ZNF750: variants seen among roughly 807,000 people sequenced by gnomAD.
ZNF750 encodes protein ZNF750.
Under a neutral mutation model 31.6 loss-of-function variants are expected in ZNF750, and 10 were observed. That is an observed-to-expected ratio of 0.32 (90% CI 0.19 to 0.54). The LOEUF is 0.54. Ranked by LOEUF, ZNF750 falls within the 20% of genes least tolerant of loss-of-function variation. The probability of loss-of-function intolerance (pLI) is 0.95; values close to 1 mark genes in which losing one functional copy is unlikely to be tolerated. For synonymous variants in ZNF750, 400 were observed against 404.9 expected, an observed-to-expected ratio of 0.99 and a Z score of 0.15; for missense variants, 914 against 934.9, an observed-to-expected ratio of 0.98 and a Z score of 0.29.
chr17:82,830,687 A>C lies in ZNF750; in HGVS notation c.1627T>G (p.Phe543Val). 1 of 1,613,996 alleles carries C rather than the reference A, an allele frequency of 6.2e-7. No homozygotes were observed. The highest frequency in any genetic ancestry group is 2.2e-5 in the East Asian group (1 of 44,870). Residue 543 changes from phenylalanine (F) to valine (V), a missense_variant, in exon 3 of 3, where the codon TTC becomes GTC. By Grantham distance (50) the Phe-to-Val change is conservative (BLOSUM62 -1). Coordinates refer to ENST00000269394, the MANE Select transcript of ZNF750 (RefSeq NM_024702.3). ...QGSPQAETAS[F>V]SELQDLPLNL... is the part of the protein sequence containing the mutation. Reference sequence around the variant, plus strand: ...AGTGGAAGGTCCTGCAGCTCTGAGAAGCTGGCGGTTTCCGCCTGGGGGCTG... The same window carrying C: ...AGTGGAAGGTCCTGCAGCTCTGAGACGCTGGCGGTTTCCGCCTGGGGGCTG...
rs1007261749 is a variant in ZNF750, at chr17:82,833,191, T to C, written c.-182-555A>G. ...CACAGTCACAGAGTGCCCCTCACTT[T>C]TACACAGAGCGTGGGCTGGCCACCG... On this transcript the variant is annotated intron_variant, in intron 1 of 2. Coordinates refer to ENST00000269394, the MANE Select transcript of ZNF750 (RefSeq NM_024702.3). This position sits in a 1 kb window ranked among gnomAD's most constrained non-coding sequence, Gnocchi z 4.7. Among the ~76,000 whole-genome samples, 1 of 152,036 alleles carries C rather than the reference T, an allele frequency of 6.6e-6. No homozygotes were observed. Among genetic ancestry groups the C allele is most frequent in the African/African-American group, 2.4e-5 (1 of 41,404 alleles).
chr17:82,836,002 G>A (rs898228311), intron 1 of ZNF750, among the ~76,000 whole-genome samples: 9 of 152,180 alleles, frequency 5.9e-5, no homozygotes, highest in African/African-American at 1.2e-4. Flanking sequence ...GTCTCCCACC[G>A]TGGGCTGCCA....
intron 1 of ZNF750, among the ~76,000 whole-genome samples, chr17:82,836,085 C>G (rs2053947161): frequency 6.6e-6 from 1 of 151,652 alleles, no homozygotes. Context: ...TTCTAATTTC[C>G]CCCTATTAGA....
In ZNF750 at chr17:82,837,694, G is replaced by A. The variant is rs144037476; in HGVS notation, c.-183+2233C>T. 1.4e-3 allele frequency among the ~76,000 whole-genome samples: 212 copies of A among 152,316 alleles called. 1 individual carries two copies. The highest frequency in any genetic ancestry group is 5.0e-3 in the African/African-American group (206 of 41,572). On this transcript the variant is annotated intron_variant, in intron 1 of 2. Coordinates refer to ENST00000269394, the MANE Select transcript of ZNF750 (RefSeq NM_024702.3). ...ATTTCCCACTGGATCGGCAGGAAGCGTTAGCAGGGTGGACATGCCACAGAG... is the reference window on the plus strand; with the variant it reads ...ATTTCCCACTGGATCGGCAGGAAGCATTAGCAGGGTGGACATGCCACAGAG...
rs937552115 is a variant in ZNF750, at chr17:82,836,730, CAAAA to C, written c.-183+3193_-183+3196del. Among the ~76,000 whole-genome samples the C allele has an allele frequency of 2.9e-3, 435 of 150,368 alleles. 2 individuals carry two copies. The highest frequency in any genetic ancestry group is 7.2e-3 in the African/African-American group (296 of 40,952). On this transcript the variant is annotated intron_variant, in intron 1 of 2. Transcript: ENST00000269394. ...AAAACAAAACCAAAAAACAAAAAAACAAAAAAACCCACAAAACCCGTGTTGGTTA... is the reference window on the plus strand; with the variant it reads ...AAAACAAAACCAAAAAACAAAAAAACAAACCCACAAAACCCGTGTTGGTTA...
Position 82,830,469 on chromosome 17 carries a change from GC to G in ZNF750, c.1844del (p.Gly615AlafsTer56). On this transcript the variant is annotated frameshift_variant, in exon 3 of 3. Transcript: ENST00000269394. LOFTEE classifies it low-confidence loss of function (END_TRUNC). ...DGDGAPPTGP[G>X]EEAPDACAVD... Reference sequence around the variant, plus strand: ...CCGCGCATGCGTCTGGAGCCTCCTCGCCGGGGCCTGTGGGTGGGGCCCCGTC... The same window carrying G: ...CCGCGCATGCGTCTGGAGCCTCCTCGCGGGGCCTGTGGGTGGGGCCCCGTC... 1 of 1,612,866 alleles carries G rather than the reference GC, an allele frequency of 6.2e-7. No homozygotes were observed. The highest frequency in any genetic ancestry group is 8.5e-7 in the Non-Finnish European group (1 of 1,179,706).
Position 82,831,846 on chromosome 17 carries a change from A to C in ZNF750, c.609T>G (p.Pro203=), listed in dbSNP as rs373365934. 2 of 1,614,062 alleles carry C rather than the reference A, an allele frequency of 1.2e-6. No individual in the cohort carries two copies. Among genetic ancestry groups the C allele is most frequent in the Non-Finnish European group, 1.7e-6 (2 of 1,180,024 alleles). ...GTGAGCCGGCTTTCCAGGGGTAGCC[A>C]GGAGTGTGGAAGGCCGACTTGGTGT... ...SFHTKSAFHT[P]GYPWKAGSPF... is the part of the protein sequence containing the mutation. Residue 203 remains proline (P), a synonymous_variant, in exon 2 of 3, where the codon CCT becomes CCG. Coordinates refer to ENST00000269394, the MANE Select transcript of ZNF750 (RefSeq NM_024702.3). The surrounding 1 kb of genome is among the most constrained non-coding windows in gnomAD (Gnocchi z 4.6).
At position 82,835,209 on chromosome 17, in the gene ZNF750, C is replaced by T. The variant is rs1487770137; in HGVS notation, c.-182-2573G>A. Among the ~76,000 whole-genome samples, 1 of 152,112 alleles carries T rather than the reference C, an allele frequency of 6.6e-6. No homozygotes were observed. The highest frequency in any genetic ancestry group is 1.9e-4 in the East Asian group (1 of 5,190). On this transcript the variant is annotated intron_variant, in intron 1 of 2. Transcript: ENST00000269394. The surrounding 1 kb of genome is among the most constrained non-coding windows in gnomAD (Gnocchi z 4.5). ...TGGCTAAAAGTCAAGTGAAAAGCCG[C>T]CCCTTGAAAATAGAGCAACGTGTGT...
chr17:82,837,540 G>GCTGT (rs962318310), intron 1 of ZNF750, among the ~76,000 whole-genome samples: 1 of 152,198 alleles, frequency 6.6e-6, no homozygotes, highest in Non-Finnish European at 1.5e-5. Context: ...TGCCCGGAGA[G>GCTGT]CTGTCTGTCT....
At chr17:82,836,312 A>C (rs2053968384) in intron 1 of ZNF750, among the ~76,000 whole-genome samples, 2 of 152,246 alleles carry the variant, frequency 1.3e-5, no homozygotes, top group Non-Finnish European at 2.9e-5. Flanking sequence ...GAACCTCTGC[A>C]AGTCAGGTTC....
Position 82,830,599 on chromosome 17 carries a change from G to T in ZNF750, c.1715C>A (p.Pro572Gln), listed in dbSNP as rs749230151. ...AGCAGCAGCAGGTTCTGCAGCTCGT[G>T]GTCGACCGGGGAAGGCAGGCCTCGG... ...QAPRPAFPGR[P>Q]RAAEPAAAVP... The change falls in exon 3 of 3, where the codon CCA (proline) becomes CAA (glutamine). Residue 572 changes from proline (P) to glutamine (Q), a missense_variant. By Grantham distance (76) the Pro-to-Gln change is moderately conservative. Around this residue, in one of 2 missense-constraint regions of ZNF750, gnomAD observed 880 missense variants for 868.9 expected, o/e 1.01. Coordinates refer to ENST00000269394, the MANE Select transcript of ZNF750 (RefSeq NM_024702.3). 3.6e-5 allele frequency: 58 copies of T among 1,613,948 alleles called. No individual in the cohort carries two copies. The highest frequency in any genetic ancestry group is 3.0e-4 in the Admixed American group (18 of 59,998).
In ZNF750 at chr17:82,832,343, A is replaced by G; in HGVS notation, c.112T>C (p.Ser38Pro). 1 of 1,614,122 alleles carries G rather than the reference A, an allele frequency of 6.2e-7. No homozygotes were observed. Among genetic ancestry groups the G allele is most frequent in the Non-Finnish European group, 8.5e-7 (1 of 1,180,026 alleles). The change falls in exon 2 of 3, where the codon TCA (serine) becomes CCA (proline). Residue 38 changes from serine (S) to proline (P), a missense_variant. Ser to Pro is a moderately conservative substitution (Grantham distance 74). This residue lies in a region of ZNF750 where 34 missense variants were observed against 66.0 expected (regional missense o/e 0.52). Coordinates refer to ENST00000269394, the MANE Select transcript of ZNF750 (RefSeq NM_024702.3). This position sits in a 1 kb window ranked among gnomAD's most constrained non-coding sequence, Gnocchi z 4.9. Reference sequence around the variant, plus strand: ...TACTTCATGTGATTAAAAAGATGTGACTTCTCATTGCAAGTAAAGGGACAT... The same window carrying G: ...TACTTCATGTGATTAAAAAGATGTGGCTTCTCATTGCAAGTAAAGGGACAT... Reference protein sequence around the residue: ...FQCPFTCNEKSHLFNHMKYGL... With the variant: ...FQCPFTCNEKPHLFNHMKYGL...
At chr17:82,837,375 G>A (rs1279320925) in intron 1 of ZNF750, among the ~76,000 whole-genome samples, 1 of 152,194 alleles carries the variant, frequency 6.6e-6, no homozygotes. Flanking sequence ...TCCCAAAAGA[G>A]TATGTTGTTG....
chr17:82,829,843 A>G lies in ZNF750; in HGVS notation c.*299T>C. The stretch of plus-strand genomic sequence containing the variant: ...AATTTGTTGTAATGGTGAGATATTT[A>G]TAAGGAAACATTTATAAAAGATCTT... On this transcript the variant is annotated 3_prime_UTR_variant, in exon 3 of 3. Transcript: ENST00000269394. 1 of 413,892 alleles carries G rather than the reference A, an allele frequency of 2.4e-6. No homozygotes were observed. The highest frequency in any genetic ancestry group is 4.3e-6 in the Non-Finnish European group (1 of 230,036). 25.6% of individuals were successfully genotyped at this position (413,892 alleles called of 1,614,324 possible). A position where few individuals can be genotyped will look rare whatever the true frequency, so the allele number is the denominator to read the frequency against.
chr17:82,838,133 CACAG>C (rs1020929647), intron 1 of ZNF750, among the ~76,000 whole-genome samples: 1 of 152,228 alleles, frequency 6.6e-6, no homozygotes, highest in Non-Finnish European at 1.5e-5. Context: ...TAGCTGCCCA[CACAG>C]ACAGTGCTTT....
At position 82,831,216 on chromosome 17, in the gene ZNF750, C is replaced by T; in HGVS notation, c.1239G>A (p.Gly413=). 4 of 1,614,002 alleles carry T rather than the reference C, an allele frequency of 2.5e-6. No homozygotes were observed. Among genetic ancestry groups the T allele is most frequent in the Middle Eastern group, 1.6e-4 (1 of 6,062 alleles). Residue 413 remains glycine (G), a synonymous_variant, in exon 2 of 3, where the codon GGG becomes GGA. Transcript: ENST00000269394. The surrounding 1 kb of genome is among the most constrained non-coding windows in gnomAD (Gnocchi z 4.6). ...RAGSAATGSP[G]RPSPTDFMQT... ...GCATGAAGTCGGTGGGGCTCGGCCT[C>T]CCTGGGGAGCCCGTGGCTGCACTCC...
chr17:82,833,454 A>G lies in ZNF750; in HGVS notation c.-182-818T>C, dbSNP rs551204632. 6.6e-6 allele frequency among the ~76,000 whole-genome samples: 1 copy of G among 152,350 alleles called. No homozygotes were observed. Among genetic ancestry groups the G allele is most frequent in the South Asian group, 2.1e-4 (1 of 4,830 alleles). On this transcript the variant is annotated intron_variant, in intron 1 of 2. Transcript: ENST00000269394. This position sits in a 1 kb window ranked among gnomAD's most constrained non-coding sequence, Gnocchi z 4.7. ...TACTGCTTCTAAAGTCAGCTTTATC[A>G]TTAAGTAGCATTTATGTTGTCTCAG... is the stretch of plus-strand genomic sequence containing the variant.
Position 82,831,351 on chromosome 17 carries a change from C to G in ZNF750, c.1104G>C (p.Ser368=), listed in dbSNP as rs373136726. The change falls in exon 2 of 3, where the codon TCG becomes TCC. Residue 368 remains serine, a synonymous_variant. Transcript: ENST00000269394. The surrounding 1 kb of genome is among the most constrained non-coding windows in gnomAD (Gnocchi z 4.6). ...ACTCGACGTGTTTTCTGTTGGGGTCCGAAGGGTTTAACCTGGAAGGACTCG... is the reference window on the plus strand; with the variant it reads ...ACTCGACGTGTTTTCTGTTGGGGTCGGAAGGGTTTAACCTGGAAGGACTCG... The part of the protein sequence containing the change: ...PASSPSRLNP[S]DPNRKHVEFE... 4 of 1,613,980 alleles carry G rather than the reference C, an allele frequency of 2.5e-6. No individual in the cohort carries two copies. The highest frequency in any genetic ancestry group is 1.7e-6 in the Non-Finnish European group (2 of 1,180,008).
In ZNF750 at chr17:82,832,802, C is replaced by CTACCCTTGG. The variant is rs1477986673; in HGVS notation, c.-182-175_-182-167dup. On this transcript the variant is annotated intron_variant, in intron 1 of 2. Coordinates refer to ENST00000269394, the MANE Select transcript of ZNF750 (RefSeq NM_024702.3). This position sits in a 1 kb window ranked among gnomAD's most constrained non-coding sequence, Gnocchi z 4.9. ...TGCCGGTCACAGAAGCAGCCCTGCC[C>CTACCCTTGG]TACCCTTGGTAACCTGGCTGCTGAC... is the stretch of plus-strand genomic sequence containing the variant. Among the ~76,000 whole-genome samples, 4 of 152,348 alleles carry CTACCCTTGG rather than the reference C, an allele frequency of 2.6e-5. No homozygotes were observed. The highest frequency in any genetic ancestry group is 9.6e-5 in the African/African-American group (4 of 41,588).
Sources: gnomAD v4.1 joint callset for allele counts (sites outside exome capture counted in the v4.1 genomes callset) on GRCh38, gnomAD v4.1.1 for gene constraint, gnomAD v4.1.1 regional missense constraint, Gnocchi (gnomAD v3.1) non-coding constraint, MANE v1.5 for transcripts, NCBI Gene and HGNC (gene_info 2026-07-23, HGNC 2026-07-21) for gene names.